The following CDK7 variants were observed in gnomAD, a reference collection of about 807,000 sequenced individuals.
CDK7 encodes the protein cyclin-dependent kinase 7.
In CDK7, 25 loss-of-function variants were observed where a neutral mutation model predicts 49.1. That is an observed-to-expected ratio of 0.51 (90% CI 0.37 to 0.71). The LOEUF is 0.71. CDK7 is among the 30% of genes least tolerant of loss of function. CDK7 has a pLI of 0.00. For synonymous variants in CDK7, 107 were observed against 140.0 expected (o/e 0.76, Z 1.67); for missense variants, 316 against 411.7 (o/e 0.77, Z 2.01).
chr5:69,234,918 A>G lies in CDK7; in HGVS notation c.-58A>G, dbSNP rs1337515891. ...GTTGGAGGCTTTAAGGTAGCTTTAA[A>G]TTCGTGTTGTCCTGGGAGCTCGCCC... is the stretch of plus-strand genomic sequence containing the variant. On this transcript the variant is annotated 5_prime_UTR_variant, in exon 1 of 12. Coordinates refer to ENST00000256443, the MANE Select transcript of CDK7 (RefSeq NM_001799.4). 15 of 1,522,542 alleles carry G rather than the reference A, an allele frequency of 9.9e-6. No individual in the cohort carries two copies. The highest frequency in any genetic ancestry group is 1.3e-5 in the Non-Finnish European group (14 of 1,118,734). 94.3% of individuals were successfully genotyped at this position (1,522,542 alleles called of 1,614,324 possible).
rs375117138 is a variant in CDK7 at position 69,248,450 on chromosome 5, T to C, written c.127-3968T>C. Among the ~76,000 whole-genome samples, 35 of 151,986 alleles carry C rather than the reference T, an allele frequency of 2.3e-4. 1 individual carries two copies. The highest frequency in any genetic ancestry group is 7.7e-4 in the African/African-American group (32 of 41,454). On this transcript the variant is annotated intron_variant, in intron 2 of 11. Coordinates refer to ENST00000256443, the MANE Select transcript of CDK7 (RefSeq NM_001799.4). ...GGCTGGAGTGTGGAGTGCAATGGCA[T>C]GTCGTTGGCTCACCGCAACCTCCTC...
At chr5:69,254,521 C>CAA (rs35239844) in intron 3 of CDK7, 81 bp from the exon 4 acceptor site, 23,262 of 472,910 alleles carry the variant, frequency 0.049, 23 homozygotes, top group East Asian at 0.072. Context: ...GACTCCATCT[C>CAA]AAAAAAAAAA....
In CDK7 at chr5:69,259,842, C is replaced by G. The variant is rs1170907360; in HGVS notation, c.433C>G (p.Leu145Val). ...GGATCTGAAACCAAACAACTTGTTGCTAGATGAAAATGGAGTTCTAAAACT... is the reference window on the plus strand; with the variant it reads ...GGATCTGAAACCAAACAACTTGTTGGTAGATGAAAATGGAGTTCTAAAACT... ...HRDLKPNNLL[L>V]DENGVLKLAD... Residue 145 changes from leucine to valine, a missense_variant, in exon 7 of 12, where the codon CTA becomes GTA. Transcript: ENST00000256443. 1.9e-6 allele frequency: 3 copies of G among 1,613,844 alleles called. No individual in the cohort carries two copies. The South Asian group carries it at 3.3e-5, about 18-fold the overall frequency.
At chr5:69,244,806 AC>A (rs1465609087) in intron 2 of CDK7, among the ~76,000 whole-genome samples, 8 of 152,134 alleles carry the variant, frequency 5.3e-5, no homozygotes, top group African/African-American at 1.7e-4. Flanking sequence ...CATTCTGTAT[AC>A]TGACCATGGG....
In CDK7 at chr5:69,235,435, A is replaced by G; in HGVS notation, c.108A>G (p.Gln36=). The part of the protein sequence containing the change: ...VYKARDKNTN[Q]IVAIKKIKLG... ...AGGCCAGAGATAAGAACACCAACCA[A>G]ATTGTCGCCATTAAGAAAGTGAGTT... Residue 36 remains glutamine (Q), a synonymous_variant, in exon 2 of 12, where the codon CAA becomes CAG. Transcript: ENST00000256443. 4 of 1,602,726 alleles carry G rather than the reference A, an allele frequency of 2.5e-6. No individual in the cohort carries two copies. The highest frequency in any genetic ancestry group is 3.4e-6 in the Non-Finnish European group (4 of 1,169,958).
At chr5:69,253,713 T>C (rs1447499479) in intron 3 of CDK7, among the ~76,000 whole-genome samples, 2 of 152,324 alleles carry the variant, frequency 1.3e-5, no homozygotes, top group East Asian at 3.9e-4. Flanking sequence ...TTATATATGT[T>C]GTTAGTCTAG....
Position 69,276,325 on chromosome 5 carries a change from G to A in CDK7, c.865-218G>A, listed in dbSNP as rs79535036. On this transcript the variant is annotated intron_variant, in intron 10 of 11. Coordinates refer to ENST00000256443, the MANE Select transcript of CDK7 (RefSeq NM_001799.4). Reference sequence around the variant, plus strand: ...ATTACAGGCATGAGCTACTGTGCCCGGCCAGTCTTTTAATGGAATTATCAG... The same window carrying A: ...ATTACAGGCATGAGCTACTGTGCCCAGCCAGTCTTTTAATGGAATTATCAG... Among the ~76,000 whole-genome samples, 204 of 152,212 alleles carry A rather than the reference G, an allele frequency of 1.3e-3. 4 individuals carry two copies. The East Asian group carries it at 0.038, about 28-fold the overall frequency.
intron 9 of CDK7, 40 bp from the exon 10 acceptor site, chr5:69,272,852 C>A: frequency 2.1e-6 from 3 of 1,399,940 alleles, no homozygotes; most frequent in Non-Finnish European, 2.9e-6. Context: ...ATCTATATGC[C>A]TTTAATCCTT....
At chr5:69,253,168 T>C (rs1179423403) in intron 3 of CDK7, among the ~76,000 whole-genome samples, 7 of 152,242 alleles carry the variant, frequency 4.6e-5, no homozygotes. Flanking sequence ...TTCATTAAAC[T>C]TTCTTCCAAA....
chr5:69,241,307 G>GTTTTTTTTTTTTTTTTT lies in CDK7; in HGVS notation c.126+5860_126+5861insTTTTTTTTTTTTTTTTT, dbSNP rs1749355577. ...TAGGTGAGATGCTCTCTCATTGTAG[G>GTTTTTTTTTTTTTTTTT]TTTTTTCTTTTTTTTTTTTTTTTTT... On this transcript the variant is annotated intron_variant, in intron 2 of 11. Coordinates refer to ENST00000256443, the MANE Select transcript of CDK7 (RefSeq NM_001799.4). Among the ~76,000 whole-genome samples, 7 of 112,944 alleles carry GTTTTTTTTTTTTTTTTT rather than the reference G, an allele frequency of 6.2e-5. 2 individuals carry two copies. Among genetic ancestry groups the GTTTTTTTTTTTTTTTTT allele is most frequent in the Non-Finnish European group, 8.7e-5 (5 of 57,170 alleles). The allele number at this position is 112,944 out of a possible 152,430, so 74.1% of individuals were successfully genotyped here.
chr5:69,252,272 C>T, intron 2 of CDK7, 146 bp from the exon 3 acceptor site: 2 of 606,586 alleles, frequency 3.3e-6, no homozygotes, highest in South Asian at 2.0e-5. Context: ...ATGATTCCTA[C>T]TCTCTTTTTG....
Position 69,235,380 on chromosome 5 carries a change from ATTTTTCT to A in CDK7, c.67-11_67-5del, listed in dbSNP as rs1369623175. The stretch of plus-strand genomic sequence containing the variant: ...ACTCCCATAAACTTATGTTATTTCT[ATTTTTCT>A]TTCTAGTTTGCCACCGTTTACAAGG... On this transcript the variant is annotated splice_polypyrimidine_tract_variant and splice_region_variant and intron_variant, in intron 1 of 11. Coordinates refer to ENST00000256443, the MANE Select transcript of CDK7 (RefSeq NM_001799.4). 1 of 1,568,150 alleles carries A rather than the reference ATTTTTCT, an allele frequency of 6.4e-7. No individual in the cohort carries two copies. Among genetic ancestry groups the A allele is most frequent in the Non-Finnish European group, 8.8e-7 (1 of 1,139,294 alleles).
intron 2 of CDK7, among the ~76,000 whole-genome samples, chr5:69,241,551 C>G (rs1749388157): frequency 1.3e-5 from 2 of 151,892 alleles, no homozygotes. Context: ...GTCTCGAACT[C>G]CTGACCACGT....
In CDK7 at chr5:69,259,098, G is replaced by C. The variant is rs546931287; in HGVS notation, c.409-720G>C. 1.3e-3 allele frequency among the ~76,000 whole-genome samples: 195 copies of C among 151,990 alleles called. 1 individual carries two copies. Among genetic ancestry groups the C allele is most frequent in the Non-Finnish European group, 4.4e-4 (30 of 67,962 alleles). On this transcript the variant is annotated intron_variant, in intron 6 of 11. Transcript: ENST00000256443. ...CTCAAAAAAAAAAAAAAGAACATAGGTCTTTTGGCTTTAAGTTCAGTATTC... is the reference window on the plus strand; with the variant it reads ...CTCAAAAAAAAAAAAAAGAACATAGCTCTTTTGGCTTTAAGTTCAGTATTC...
chr5:69,258,066 T>C lies in CDK7; in HGVS notation c.321T>C (p.Leu107=). Residue 107 remains leucine (L), a synonymous_variant, in exon 6 of 12, where the codon CTT becomes CTC. Transcript: ENST00000256443. ...AGGTTATAATAAAGGATAATAGTCT[T>C]GTGCTGACACCATCACACATCAAAG... ...DLEVIIKDNS[L]VLTPSHIKAY... 6.3e-7 allele frequency: 1 copy of C among 1,580,530 alleles called. No homozygotes were observed. Among genetic ancestry groups the C allele is most frequent in the South Asian group, 1.1e-5 (1 of 88,376 alleles).
At chr5:69,249,270 G>GTGGC (rs1223257710) in intron 2 of CDK7, among the ~76,000 whole-genome samples, 1 of 152,170 alleles carries the variant, frequency 6.6e-6, no homozygotes, top group Non-Finnish European at 1.5e-5. Flanking sequence ...GCTGGACACA[G>GTGGC]TGGCTCATGC....
intron 11 of CDK7, 135 bp from the exon 12 acceptor site, chr5:69,276,972 A>T (rs1361699375): frequency 5.3e-6 from 4 of 750,578 alleles, no homozygotes; most frequent in Non-Finnish European, 8.7e-6. Flanking sequence ...CTAAATGTTT[A>T]ACAAGTGCTA....
chr5:69,269,109 A>C, intron 8 of CDK7, 98 bp from the exon 9 acceptor site: 1 of 708,962 alleles, frequency 1.4e-6, no homozygotes, highest in African/African-American at 1.8e-5. Flanking sequence ...CACTCACTGC[A>C]GCCTGGGTGA....
chr5:69,262,439 C>T (rs1443383008), intron 8 of CDK7, 135 bp downstream of exon 8: 17 of 1,103,020 alleles, frequency 1.5e-5, no homozygotes, highest in Non-Finnish European at 2.1e-5. Context: ...GAGGCCGAGG[C>T]AGGTGGATCA....
Sources: gnomAD v4.1 joint callset for allele counts (sites outside exome capture counted in the v4.1 genomes callset) on GRCh38, gnomAD v4.1.1 for gene constraint, MANE v1.5 for transcripts, NCBI Gene and HGNC (gene_info 2026-07-23, HGNC 2026-07-21) for gene names.